Variants in KIF26B observed in about 807,000 individuals in gnomAD.
KIF26B encodes the protein kinesin family member 26B.
In KIF26B, 63 loss-of-function variants were observed where a neutral mutation model predicts 151.2. The ratio of observed to expected loss-of-function variants is 0.42; its 90% CI spans 0.34 to 0.51. The LOEUF is 0.51. Ranked by LOEUF, KIF26B falls within the 20% of genes least tolerant of loss-of-function variation. The probability of loss-of-function intolerance (pLI) is 0.07; values close to 1 mark genes in which losing one functional copy is unlikely to be tolerated. For missense variants in KIF26B, 2,813 were observed against 2,913.6 expected, an observed-to-expected ratio of 0.97 and a Z score of 0.79; for synonymous variants, 1,357 against 1,262.1, an observed-to-expected ratio of 1.08 and a Z score of -1.59.
In KIF26B at chr1:245,516,404, C is replaced by G. The variant is rs567894261; in HGVS notation, c.1167-24363C>G. 6.6e-6 allele frequency among the ~76,000 whole-genome samples: 1 copy of G among 152,178 alleles called. No homozygotes were observed. The highest frequency in any genetic ancestry group is 1.5e-5 in the Non-Finnish European group (1 of 68,040). The stretch of plus-strand genomic sequence containing the variant: ...GCAGAGGATGACATGAAATCATGTA[C>G]GCGAGCGTGATTTGCTACTAGGCAG... On this transcript the variant is annotated intron_variant, in intron 4 of 14. Coordinates refer to ENST00000407071, the MANE Select transcript of KIF26B (RefSeq NM_018012.4). The surrounding 1 kb of genome is among the most constrained non-coding windows in gnomAD (Gnocchi z 4.2).
intron 4 of KIF26B, among the ~76,000 whole-genome samples, chr1:245,491,920 A>C (rs1475297067): frequency 2.6e-5 from 4 of 152,066 alleles, no homozygotes; most frequent in Admixed American, 6.5e-5. Context: ...AAAAAAAAAA[A>C]ATCTGGTAAA....
At chr1:245,449,664 G>A (rs1048219672) in intron 4 of KIF26B, among the ~76,000 whole-genome samples, 1 of 152,140 alleles carries the variant, frequency 6.6e-6, no homozygotes, top group East Asian at 1.9e-4. Context: ...TTGACAAAAC[G>A]GGAGACAGAA....
intron 5 of KIF26B, among the ~76,000 whole-genome samples, chr1:245,548,665 T>C (rs562350277): frequency 6.6e-6 from 1 of 151,842 alleles, no homozygotes; most frequent in East Asian, 1.9e-4. Context: ...AACTTCTGAA[T>C]GTAAAAGATG....
chr1:245,500,091 G>T (rs1660590621), intron 4 of KIF26B, among the ~76,000 whole-genome samples: 1 of 152,300 alleles, frequency 6.6e-6, no homozygotes, highest in African/African-American at 2.4e-5. Flanking sequence ...TAGGACTACT[G>T]TGTCTTACAT....
Position 245,685,592 on chromosome 1 carries a change from C to T in KIF26B, c.2609C>T (p.Pro870Leu). The change falls in exon 12 of 15, where the codon CCC becomes CTC. Residue 870 changes from proline to leucine, a missense_variant. By Grantham distance (98) the Pro-to-Leu change is moderately conservative. Transcript: ENST00000407071. ...TGCGACACCGTCATCTACATCGGGC[C>T]CAACGGCACGGCCCTCTCTGACAAG... ...QSCDTVIYIG[P>L]NGTALSDKEL... is the part of the protein sequence containing the mutation. 6.2e-7 allele frequency: 1 copy of T among 1,613,812 alleles called. No homozygotes were observed. Among genetic ancestry groups the T allele is most frequent in the Non-Finnish European group, 8.5e-7 (1 of 1,179,892 alleles).
chr1:245,257,796 C>T (rs1303369249), intron 2 of KIF26B, among the ~76,000 whole-genome samples: 3 of 152,088 alleles, frequency 2.0e-5, no homozygotes, highest in Non-Finnish European at 2.9e-5. Context: ...CCAACGTGGA[C>T]GAATCACTTG....
chr1:245,461,772 T>A (rs535382946), intron 4 of KIF26B, among the ~76,000 whole-genome samples: 1 of 152,284 alleles, frequency 6.6e-6, no homozygotes, highest in Non-Finnish European at 1.5e-5. Flanking sequence ...AAGAATAGTA[T>A]TTTAATTGCC....
intron 5 of KIF26B, among the ~76,000 whole-genome samples, chr1:245,593,278 C>T (rs545101602): frequency 2.6e-5 from 4 of 152,098 alleles, no homozygotes; most frequent in Admixed American, 1.3e-4. Flanking sequence ...CCCATCAACC[C>T]GTCATCTACA....
At chr1:245,378,472 G>A (rs1673327511) in intron 3 of KIF26B, among the ~76,000 whole-genome samples, 1 of 152,264 alleles carries the variant, frequency 6.6e-6, no homozygotes, top group Middle Eastern at 3.4e-3. Flanking sequence ...TGGGAGAGAA[G>A]ATTGCCTAGA....
chr1:245,362,257 G>A lies in KIF26B; in HGVS notation c.466-4577G>A, dbSNP rs372965079. Among the ~76,000 whole-genome samples the A allele has an allele frequency of 2.9e-3, 440 of 151,296 alleles. 3 individuals are homozygous for A. Among genetic ancestry groups the A allele is most frequent in the Non-Finnish European group, 4.7e-3 (318 of 67,884 alleles). The stretch of plus-strand genomic sequence containing the variant: ...ATCTTCCTGAGGAAGGGCCGGGTGC[G>A]GTGGCTCATGCCGGTAATCCCAGCA... On this transcript the variant is annotated intron_variant, in intron 2 of 14. Transcript: ENST00000407071.
Position 245,688,189 on chromosome 1 carries a change from A to G in KIF26B, c.5206A>G (p.Ser1736Gly). ...KAGQSKISAV[S>G]RLLLASPRAR... ...CGGCCAGTCCAAGATCTCCGCCGTG[A>G]GCAGACTCCTCCTGGCCAGCCCCAG... Residue 1736 changes from serine (S) to glycine (G), a missense_variant, in exon 12 of 15, where the codon AGC (serine) becomes GGC (glycine). Coordinates refer to ENST00000407071, the MANE Select transcript of KIF26B (RefSeq NM_018012.4). 1 of 1,597,354 alleles carries G rather than the reference A, an allele frequency of 6.3e-7. No individual in the cohort carries two copies. Among genetic ancestry groups the G allele is most frequent in the Non-Finnish European group, 8.5e-7 (1 of 1,178,330 alleles).
At chr1:245,245,113 T>G (rs957625721) in intron 2 of KIF26B, among the ~76,000 whole-genome samples, 2 of 152,166 alleles carry the variant, frequency 1.3e-5, no homozygotes, top group African/African-American at 4.8e-5. Context: ...AAGAACTTGA[T>G]GGAGGCAGTT....
At chr1:245,494,555 C>T (rs1310057588) in intron 4 of KIF26B, among the ~76,000 whole-genome samples, 1 of 151,960 alleles carries the variant, frequency 6.6e-6, no homozygotes, top group Non-Finnish European at 1.5e-5. Context: ...CTACCTTTCT[C>T]ATAAGTTGTT....
At chr1:245,197,482 G>T (rs1558341814) in intron 2 of KIF26B, among the ~76,000 whole-genome samples, 1 of 151,612 alleles carries the variant, frequency 6.6e-6, no homozygotes, top group Non-Finnish European at 1.5e-5. Context: ...TTATAACTTT[G>T]TTTTTTTTAC....
intron 2 of KIF26B, among the ~76,000 whole-genome samples, chr1:245,338,448 A>T (rs1672276005): frequency 2.6e-5 from 4 of 152,208 alleles, no homozygotes; most frequent in Non-Finnish European, 1.5e-5. Flanking sequence ...CTTAATGGTT[A>T]TTTATAGCAG....
In KIF26B at chr1:245,698,809, A is replaced by G. The variant is rs1197992101; in HGVS notation, c.6028-78A>G. On this transcript the variant is annotated intron_variant, in intron 13 of 14. Coordinates refer to ENST00000407071, the MANE Select transcript of KIF26B (RefSeq NM_018012.4). The surrounding 1 kb of genome is among the most constrained non-coding windows in gnomAD (Gnocchi z 4.0). ...TCCAAGCCCAGCCTGTTTTCCATCA[A>G]CGATACTCACAGGTGCTCCTGTGGT... The G allele has an allele frequency of 2.5e-5, 38 of 1,525,510 alleles. No homozygotes were observed. Among genetic ancestry groups the G allele is most frequent in the Non-Finnish European group, 3.2e-5 (36 of 1,126,390 alleles). The allele number at this position is 1,525,510 out of a possible 1,614,324, so 94.5% of individuals were successfully genotyped here.
chr1:245,649,630 G>A (rs1422545602), intron 10 of KIF26B, among the ~76,000 whole-genome samples: 1 of 152,112 alleles, frequency 6.6e-6, no homozygotes, highest in Non-Finnish European at 1.5e-5. Flanking sequence ...ACGGAGGGTG[G>A]CGGGGGGAAC....
chr1:245,589,297 C>T (rs1415069519), intron 5 of KIF26B, among the ~76,000 whole-genome samples: 1 of 152,138 alleles, frequency 6.6e-6, no homozygotes, highest in Non-Finnish European at 1.5e-5. Context: ...TCCCACCTTC[C>T]GCAGTGGGCC....
At chr1:245,679,522 G>T (rs541746475) in intron 10 of KIF26B, among the ~76,000 whole-genome samples, 1 of 132,610 alleles carries the variant, frequency 7.5e-6, no homozygotes, top group Non-Finnish European at 1.5e-5. Flanking sequence ...AGGCTGGAGT[G>T]CAGTGGCGCA....
Sources: gnomAD v4.1 joint callset for allele counts (sites outside exome capture counted in the v4.1 genomes callset) on GRCh38, gnomAD v4.1.1 for gene constraint, Gnocchi (gnomAD v3.1) non-coding constraint, MANE v1.5 for transcripts, NCBI Gene and HGNC (gene_info 2026-07-23, HGNC 2026-07-21) for gene names.